HDAC9: variants seen among roughly 807,000 people sequenced by gnomAD.
HDAC9 encodes the protein MEF-2 interacting transcription repressor (MITR) protein.
In HDAC9, 41 loss-of-function variants were observed where a neutral mutation model predicts 139.4. That is an observed-to-expected ratio of 0.29 (90% CI 0.23 to 0.38). HDAC9 has a LOEUF of 0.38. Ranked by LOEUF, HDAC9 falls within the 10% of genes least tolerant of loss-of-function variation. The pLI, the probability that HDAC9 is intolerant of heterozygous loss-of-function variation, is 1.00. For missense variants in HDAC9, 1,147 were observed against 1,297.0 expected (o/e 0.88, Z 1.78); for synonymous variants, 517 against 476.2 (o/e 1.09, Z -1.12).
intron 12 of HDAC9, among the ~76,000 whole-genome samples, chr7:18,685,638 C>G (rs2106362): frequency 0.37 from 56,774 of 151,650 alleles, 15,140 homozygotes; most frequent in African/African-American, 0.74. Flanking sequence ...AAGATTTGTT[C>G]AGTGTTTAAG....
intron 2 of HDAC9, among the ~76,000 whole-genome samples, chr7:18,168,897 T>TGTGTGTGTGTG (rs1554318207): frequency 4.2e-5 from 4 of 94,338 alleles, no homozygotes; most frequent in South Asian, 3.8e-4. Context: ...TTTTTTTTTT[T>TGTGTGTGTGTG]TGTGTGTGTG....
intron 1 of HDAC9, among the ~76,000 whole-genome samples, chr7:18,343,552 C>G (rs149408667): frequency 4.6e-5 from 7 of 151,480 alleles, no homozygotes; most frequent in African/African-American, 1.2e-4. Flanking sequence ...GAAGAAGGAG[C>G]GATTTTTTAA....
Position 18,531,817 on chromosome 7 carries a change from A to T in HDAC9, c.22+35493A>T, listed in dbSNP as rs73685114. Among the ~76,000 whole-genome samples, 314 of 152,298 alleles carry T rather than the reference A, an allele frequency of 2.1e-3. 1 individual carries two copies. The highest frequency in any genetic ancestry group is 7.3e-3 in the African/African-American group (305 of 41,576). On this transcript the variant is annotated intron_variant, in intron 2 of 25. Transcript: ENST00000686413. ...TGGAGTTCTATTGAACTCCATTTCA[A>T]TGCAAACAAGTAAAGGAAATGTTTA...
chr7:18,500,115 G>A (rs1455982994), intron 2 of HDAC9, among the ~76,000 whole-genome samples: 1 of 152,098 alleles, frequency 6.6e-6, no homozygotes, highest in African/African-American at 2.4e-5. Context: ...ATTGAGAATG[G>A]AGACAAGAAT....
intron 2 of HDAC9, among the ~76,000 whole-genome samples, chr7:18,225,930 A>G (rs1052988854): frequency 6.6e-6 from 1 of 152,168 alleles, no homozygotes; most frequent in African/African-American, 2.4e-5. Flanking sequence ...GTTATGCTCA[A>G]TAAAAATTAT....
At chr7:18,266,163 A>T (rs538198997) in intron 2 of HDAC9, among the ~76,000 whole-genome samples, 2 of 152,190 alleles carry the variant, frequency 1.3e-5, no homozygotes, top group East Asian at 1.9e-4. Context: ...ATTGTACATT[A>T]TCTAACAAAA....
chr7:18,096,739 T>C (rs965291151), intron 1 of HDAC9, among the ~76,000 whole-genome samples: 1 of 152,230 alleles, frequency 6.6e-6, no homozygotes, highest in East Asian at 1.9e-4. Context: ...ATTATTAATA[T>C]ATTGTTATTT....
chr7:18,173,718 G>C (rs1376762728), intron 2 of HDAC9, among the ~76,000 whole-genome samples: 2 of 152,180 alleles, frequency 1.3e-5, no homozygotes, highest in Non-Finnish European at 2.9e-5. Context: ...AGTTTGGCTG[G>C]ATATGAAATT....
intron 2 of HDAC9, among the ~76,000 whole-genome samples, chr7:18,280,492 G>T (rs1208978580): frequency 6.6e-6 from 1 of 151,918 alleles, no homozygotes; most frequent in Admixed American, 6.6e-5. Context: ...GGAGGCTGAG[G>T]CAGGAGAATC....
chr7:18,420,650 G>C (rs1789534301), intron 1 of HDAC9, among the ~76,000 whole-genome samples: 1 of 152,132 alleles, frequency 6.6e-6, no homozygotes, highest in Non-Finnish European at 1.5e-5. Flanking sequence ...ATTTCTGGCA[G>C]ACATTCTTGT....
At chr7:18,131,326 A>G (rs992601964) in intron 1 of HDAC9, among the ~76,000 whole-genome samples, 1 of 152,136 alleles carries the variant, frequency 6.6e-6, no homozygotes, top group Non-Finnish European at 1.5e-5. Context: ...ATATTGATTG[A>G]TTGATAACTA....
chr7:18,976,775 G>T (rs1439044842), intron 25 of HDAC9, among the ~76,000 whole-genome samples: 2 of 152,138 alleles, frequency 1.3e-5, no homozygotes, highest in Non-Finnish European at 1.5e-5. Context: ...TGACTTCAAG[G>T]TCACATTTCC....
At chr7:18,582,359 A>T (rs1425140752) in intron 2 of HDAC9, among the ~76,000 whole-genome samples, 1 of 152,202 alleles carries the variant, frequency 6.6e-6, no homozygotes, top group South Asian at 2.1e-4. Context: ...ATTAGAATTT[A>T]AAAACTAATA....
chr7:18,892,592 T>C (rs997988561), intron 22 of HDAC9: 20 of 152,118 alleles, frequency 1.3e-4, no homozygotes, highest in Non-Finnish European at 5.9e-5. Context: ...GAAGGTCATA[T>C]TGTTTATGGA....
intron 24 of HDAC9, among the ~76,000 whole-genome samples, chr7:18,962,732 C>T (rs947761062): frequency 6.6e-6 from 1 of 152,146 alleles, no homozygotes; most frequent in African/African-American, 2.4e-5. Flanking sequence ...TTCACTGAGA[C>T]TAGGACGTAC....
At chr7:18,845,400 T>G (rs1796840297) in intron 21 of HDAC9, among the ~76,000 whole-genome samples, 1 of 152,180 alleles carries the variant, frequency 6.6e-6, no homozygotes, top group Non-Finnish European at 1.5e-5. Flanking sequence ...TTTGAAGGGC[T>G]TATGTGGCCC....
At chr7:18,162,599 A>G (rs1240965799) in intron 2 of HDAC9, 5 of 512,520 alleles carry the variant, frequency 9.8e-6, no homozygotes, top group African/African-American at 7.8e-5. Flanking sequence ...TCTGCTTCCA[A>G]GGTAACATTC....
chr7:18,945,864 C>T lies in HDAC9; in HGVS notation c.2938-8282C>T, dbSNP rs1017340108. 3.3e-5 allele frequency among the ~76,000 whole-genome samples: 5 copies of T among 151,560 alleles called. No individual in the cohort carries two copies. The East Asian group carries it at 9.8e-4, about 30-fold the overall frequency. Reference sequence around the variant, plus strand: ...CCATCCTAACCAACATGGTGAAACCCCATCTCTACTAAAAATACAAAAATT... The same window carrying T: ...CCATCCTAACCAACATGGTGAAACCTCATCTCTACTAAAAATACAAAAATT... On this transcript the variant is annotated intron_variant, in intron 23 of 25. Coordinates refer to ENST00000686413, the MANE Select transcript of HDAC9 (RefSeq NM_178425.4).
chr7:18,413,068 A>G (rs190656831), intron 1 of HDAC9, among the ~76,000 whole-genome samples: 15 of 152,310 alleles, frequency 9.8e-5, no homozygotes, highest in African/African-American at 2.6e-4. Flanking sequence ...AAGGATGTCT[A>G]CCTACTAAAA....
Sources: gnomAD v4.1 joint callset for allele counts (sites outside exome capture counted in the v4.1 genomes callset) on GRCh38, gnomAD v4.1.1 for gene constraint, MANE v1.5 for transcripts, NCBI Gene and HGNC (gene_info 2026-07-23, HGNC 2026-07-21) for gene names.